The following ACAP2 variants were observed in gnomAD, a reference collection of about 807,000 sequenced individuals.
The protein encoded by ACAP2 is ArfGAP with coiled-coil, ankyrin repeat and PH domains 2.
Under a neutral mutation model 115.8 loss-of-function variants are expected in ACAP2, and 39 were observed. The ratio of observed to expected loss-of-function variants is 0.34; its 90% CI spans 0.26 to 0.44. The LOEUF (loss-of-function observed/expected upper bound fraction) is 0.44. Among genes scored for constraint, ACAP2 ranks in the 20% least tolerant of loss-of-function variants. ACAP2 has a pLI of 1.00. For synonymous variants in ACAP2, 289 were observed against 315.8 expected (o/e 0.92, Z 0.90); for missense variants, 662 against 927.6 (o/e 0.71, Z 3.72).
At chr3:195,369,309 G>C (rs533948038) in intron 4 of ACAP2, among the ~76,000 whole-genome samples, 2 of 152,208 alleles carry the variant, frequency 1.3e-5, no homozygotes, top group Admixed American at 6.5e-5. Flanking sequence ...TACATGTGCA[G>C]GTTATATAGG....
chr3:195,387,641 A>G (rs1302630425), intron 2 of ACAP2, among the ~76,000 whole-genome samples: 1 of 152,136 alleles, frequency 6.6e-6, no homozygotes, highest in African/African-American at 2.4e-5. Flanking sequence ...TTTTTAGTAG[A>G]GACAGGATTT....
intron 10 of ACAP2, among the ~76,000 whole-genome samples, chr3:195,312,549 C>A (rs1728837981): frequency 1.3e-5 from 2 of 152,162 alleles, no homozygotes; most frequent in South Asian, 4.1e-4. Context: ...TCACTGCAGT[C>A]TGGAAATCCT....
At chr3:195,326,983 C>T in intron 8 of ACAP2, 24 bp from the exon 9 acceptor site, 3 of 1,600,030 alleles carry the variant, frequency 1.9e-6, no homozygotes, top group Non-Finnish European at 2.6e-6. Context: ...AAAGAGAAAA[C>T]TGCAGACTTA....
intron 1 of ACAP2, among the ~76,000 whole-genome samples, chr3:195,420,413 A>G (rs1399095459): frequency 6.6e-6 from 1 of 152,088 alleles, no homozygotes; most frequent in Non-Finnish European, 1.5e-5. Context: ...CAGTGGCGCA[A>G]TCTCGGCTCA....
chr3:195,345,421 A>G (rs1384588183), intron 4 of ACAP2, 104 bp from the exon 5 acceptor site: 4 of 707,112 alleles, frequency 5.7e-6, no homozygotes, highest in Admixed American at 2.3e-5. Context: ...CAATTCTAAT[A>G]CCGTCTATAT....
chr3:195,432,393 T>C (rs1435500972), intron 1 of ACAP2, among the ~76,000 whole-genome samples: 1 of 152,226 alleles, frequency 6.6e-6, no homozygotes, highest in Non-Finnish European at 1.5e-5. Context: ...TCCAACTTCA[T>C]ACTTTCACGT....
chr3:195,417,330 T>C (rs1295371145), intron 1 of ACAP2, among the ~76,000 whole-genome samples: 1 of 151,982 alleles, frequency 6.6e-6, no homozygotes, highest in African/African-American at 2.4e-5. Flanking sequence ...AAAACGGGCA[T>C]CAAATTCTCC....
intron 1 of ACAP2, among the ~76,000 whole-genome samples, chr3:195,420,402 G>A (rs145476510): frequency 0.013 from 2,025 of 152,212 alleles, 34 homozygotes; most frequent in African/African-American, 0.044. Context: ...AGGCTGGAGT[G>A]CAGTGGCGCA....
rs1201653167 is a variant in ACAP2, at chr3:195,275,964, A to G, written c.*3364T>C. On this transcript the variant is annotated 3_prime_UTR_variant, in exon 23 of 23. Transcript: ENST00000326793. Reference sequence around the variant, plus strand: ...ATGCGGTTCTAAAGTCATTCTGGACATACAATCTACAAAAATACATCATTT... The same window carrying G: ...ATGCGGTTCTAAAGTCATTCTGGACGTACAATCTACAAAAATACATCATTT... The G allele has an allele frequency of 6.6e-6, 1 of 152,654 alleles. No individual in the cohort carries two copies. The highest frequency in any genetic ancestry group is 2.4e-5 in the African/African-American group (1 of 41,452). 9.5% of individuals were successfully genotyped at this position (152,654 alleles called of 1,614,324 possible).
In ACAP2 at chr3:195,333,080, C is replaced by A; in HGVS notation, c.617G>T (p.Gly206Val). 3 of 1,609,910 alleles carry A rather than the reference C, an allele frequency of 1.9e-6. No individual in the cohort carries two copies. Among genetic ancestry groups the A allele is most frequent in the Non-Finnish European group, 2.5e-6 (3 of 1,178,284 alleles). ...MYAHLAFFHQGYDLFSELGPY... is the reference protein window; with the variant it reads ...MYAHLAFFHQVYDLFSELGPY... ...TCCAAGTTCACTAAACAGATCATAT[C>A]CTTGATGAAAGAAGGCCAAATGGGC... The change falls in exon 8 of 23, where the codon GGA becomes GTA. Residue 206 changes from glycine to valine, a missense_variant. Gly to Val is a moderately radical substitution (Grantham distance 109). Around this residue, in one of 3 missense-constraint regions of ACAP2, gnomAD observed 401 missense variants for 604.4 expected, o/e 0.66. Coordinates refer to ENST00000326793, the MANE Select transcript of ACAP2 (RefSeq NM_012287.6).
chr3:195,325,541 G>C (rs1729738954), intron 9 of ACAP2: 1 of 394,266 alleles, frequency 2.5e-6, no homozygotes, highest in Non-Finnish European at 4.8e-6. Context: ...GAAAACAGTT[G>C]AATATTATTT....
intron 4 of ACAP2, among the ~76,000 whole-genome samples, chr3:195,353,865 G>A (rs1404690704): frequency 1.3e-5 from 2 of 152,148 alleles, no homozygotes; most frequent in East Asian, 1.9e-4. Flanking sequence ...GGGTGCATGT[G>A]CAGGATGTGG....
chr3:195,389,992 T>G (rs1734556277), intron 2 of ACAP2, among the ~76,000 whole-genome samples: 1 of 152,220 alleles, frequency 6.6e-6, no homozygotes, highest in Admixed American at 6.5e-5. Context: ...GCACAGGAGT[T>G]CGAGACCAGT....
intron 13 of ACAP2, among the ~76,000 whole-genome samples, chr3:195,304,752 GAA>G (rs1728312539): frequency 6.6e-6 from 1 of 152,154 alleles, no homozygotes; most frequent in Non-Finnish European, 1.5e-5. Flanking sequence ...CACATCAGCC[GAA>G]AAGACTCAAA....
intron 4 of ACAP2, among the ~76,000 whole-genome samples, chr3:195,347,093 A>C (rs1167415956): frequency 6.6e-6 from 1 of 152,010 alleles, no homozygotes; most frequent in Non-Finnish European, 1.5e-5. Flanking sequence ...ATATGCCACA[A>C]AAAAAAATCA....
chr3:195,357,065 T>C (rs1341321522), intron 4 of ACAP2, among the ~76,000 whole-genome samples: 1 of 151,970 alleles, frequency 6.6e-6, no homozygotes, highest in East Asian at 1.9e-4. Context: ...ACGGCACCTC[T>C]GGAACTACCC....
chr3:195,442,962 T>A lies in ACAP2; in HGVS notation c.-115A>T, dbSNP rs1467126423. The stretch of plus-strand genomic sequence containing the variant: ...GGCCGCGACTAGCGTTGCGCGGAGC[T>A]GCGAAGGGCGCCTCGCCCGCTGGTC... On this transcript the variant is annotated 5_prime_UTR_variant, in exon 1 of 23. Coordinates refer to ENST00000326793, the MANE Select transcript of ACAP2 (RefSeq NM_012287.6). 3.2e-6 allele frequency: 3 copies of A among 950,350 alleles called. No individual in the cohort carries two copies. The African/African-American group carries it at 5.3e-5, about 17-fold the overall frequency. 58.9% of individuals were successfully genotyped at this position (950,350 alleles called of 1,614,324 possible). A position where few individuals can be genotyped will look rare whatever the true frequency, so the allele number is the denominator to read the frequency against.
chr3:195,410,483 G>C (rs896040632), intron 1 of ACAP2, among the ~76,000 whole-genome samples: 2 of 152,130 alleles, frequency 1.3e-5, no homozygotes, highest in African/African-American at 4.8e-5. Context: ...CACAGAATGG[G>C]AGAAAATACT....
chr3:195,390,743 C>T (rs924039611), intron 2 of ACAP2, among the ~76,000 whole-genome samples: 5 of 152,094 alleles, frequency 3.3e-5, no homozygotes, highest in East Asian at 3.8e-4. Context: ...AGGAGCACTA[C>T]GTTACACAGC....
Sources: gnomAD v4.1 joint callset for allele counts (sites outside exome capture counted in the v4.1 genomes callset) on GRCh38, gnomAD v4.1.1 for gene constraint, gnomAD v4.1.1 regional missense constraint, MANE v1.5 for transcripts, NCBI Gene and HGNC (gene_info 2026-07-23, HGNC 2026-07-21) for gene names.